Variants in IGSF11 observed in about 807,000 individuals in gnomAD.
IGSF11 encodes the protein immunoglobulin superfamily member 11.
Under a neutral mutation model 41.0 loss-of-function variants are expected in IGSF11, and 22 were observed. The observed-to-expected ratio is 0.54, with a 90% CI of 0.38 to 0.77. The LOEUF is 0.77. Ranked by LOEUF, IGSF11 falls within the 30% of genes least tolerant of loss-of-function variation. The pLI, the probability that IGSF11 is intolerant of heterozygous loss-of-function variation, is 0.00. For missense variants in IGSF11, 444 were observed against 530.8 expected, an observed-to-expected ratio of 0.84 and a Z score of 1.61; for synonymous variants, 219 against 201.3, an observed-to-expected ratio of 1.09 and a Z score of -0.74.
intron 1 of IGSF11, among the ~76,000 whole-genome samples, chr3:118,935,560 A>C (rs1943208880): frequency 6.6e-6 from 1 of 151,844 alleles, no homozygotes; most frequent in South Asian, 2.1e-4. Context: ...GACTACACAA[A>C]GGGAATAAAT....
intron 1 of IGSF11, among the ~76,000 whole-genome samples, chr3:118,945,388 T>A (rs2107568293): frequency 6.6e-6 from 1 of 152,338 alleles, no homozygotes; most frequent in African/African-American, 2.4e-5. Context: ...AAGCTTATTT[T>A]GGCATGAGTT....
chr3:118,981,533 A>G (rs905284936), intron 1 of IGSF11, among the ~76,000 whole-genome samples: 13 of 152,150 alleles, frequency 8.5e-5, no homozygotes, highest in Non-Finnish European at 1.9e-4. Context: ...TCCCTGACAC[A>G]GTTTCCAGTT....
intron 5 of IGSF11, 58 bp downstream of exon 5, chr3:118,905,538 T>C (rs1305953885): frequency 1.3e-6 from 2 of 1,583,704 alleles, no homozygotes; most frequent in Admixed American, 1.7e-5. Flanking sequence ...TTTTCTGGTA[T>C]AACAAAGATC....
chr3:119,124,232 A>G (rs1467718595), intron 1 of IGSF11, among the ~76,000 whole-genome samples: 1 of 151,648 alleles, frequency 6.6e-6, no homozygotes, highest in Non-Finnish European at 1.5e-5. Flanking sequence ...GGAGCTGAAA[A>G]ATGAAACTGA....
intron 1 of IGSF11, among the ~76,000 whole-genome samples, chr3:119,053,637 A>G (rs1941712863): frequency 6.6e-6 from 1 of 152,192 alleles, no homozygotes; most frequent in East Asian, 1.9e-4. Context: ...AAATACCAAC[A>G]TCATTCTTCA....
chr3:119,076,106 A>G (rs2076493855), intron 1 of IGSF11, among the ~76,000 whole-genome samples: 1 of 152,132 alleles, frequency 6.6e-6, no homozygotes, highest in Non-Finnish European at 1.5e-5. Context: ...AAATAATACC[A>G]CACATCTACA....
At chr3:119,106,978 A>C (rs1009203011), upstream of IGSF11, among the ~76,000 whole-genome samples, 3 of 152,214 alleles carry the variant, frequency 2.0e-5, no homozygotes, top group African/African-American at 4.8e-5. Flanking sequence ...TTCTTAAACC[A>C]GTCTATCATT....
intron 1 of IGSF11, among the ~76,000 whole-genome samples, chr3:119,086,355 C>T (rs2076672813): frequency 1.3e-5 from 2 of 152,094 alleles, no homozygotes; most frequent in Admixed American, 6.5e-5. Context: ...TCTTGCTAGG[C>T]AGGTTGACAT....
At position 118,902,592 on chromosome 3, in the gene IGSF11, G is replaced by A. The variant is rs375343880; in HGVS notation, c.1224C>T (p.His408=). 53 of 1,613,886 alleles carry A rather than the reference G, an allele frequency of 3.3e-5. No homozygotes were observed. Among genetic ancestry groups the A allele is most frequent in the African/African-American group, 2.8e-4 (21 of 74,868 alleles). ...CTGCACCAATTCGTTCCAGTGTTGC[G>A]TGGCTGATGGTGTAGGAATGAGTGT... is the stretch of plus-strand genomic sequence containing the variant. The part of the protein sequence containing the change: ...PPHTHSYTIS[H]ATLERIGAVP... The change falls in exon 7 of 7, where the codon CAC becomes CAT. Residue 408 remains histidine (H), a synonymous_variant. Transcript: ENST00000393775.
intron 1 of IGSF11, among the ~76,000 whole-genome samples, chr3:119,140,823 C>T (rs568067221): frequency 2.3e-4 from 35 of 151,020 alleles, no homozygotes; most frequent in African/African-American, 8.1e-4. Flanking sequence ...GAGGGTGGAT[C>T]ACCTGAGGTC....
chr3:118,950,668 T>C (rs1044767524), intron 1 of IGSF11, among the ~76,000 whole-genome samples: 9 of 151,998 alleles, frequency 5.9e-5, no homozygotes, highest in Admixed American at 2.6e-4. Context: ...AATGTATAAA[T>C]GATTCCATTT....
At chr3:118,948,792 C>T (rs1329583755) in intron 1 of IGSF11, among the ~76,000 whole-genome samples, 4 of 151,628 alleles carry the variant, frequency 2.6e-5, no homozygotes, top group South Asian at 2.1e-4. Context: ...GGTGAGACCC[C>T]GTTTCTACTA....
intron 1 of IGSF11, among the ~76,000 whole-genome samples, chr3:119,128,188 A>ATCTATTAAAATC (rs1244834150): frequency 2.4e-3 from 366 of 152,180 alleles, no homozygotes; most frequent in African/African-American, 8.5e-3. Context: ...GTGAAAATCT[A>ATCTATTAAAATC]TATCTATTAA....
chr3:119,047,201 C>A (rs543257471), intron 1 of IGSF11, among the ~76,000 whole-genome samples: 3,862 of 151,084 alleles, frequency 0.026, 141 homozygotes, highest in African/African-American at 0.089. Flanking sequence ...CACACACTGG[C>A]AAATTGGATA....
At position 118,923,097 on chromosome 3, in the gene IGSF11, T is replaced by C. The variant is rs1040506780; in HGVS notation, c.580+3004A>G. On this transcript the variant is annotated intron_variant, in intron 4 of 6. Coordinates refer to ENST00000393775, the MANE Select transcript of IGSF11 (RefSeq NM_001015887.3). ...CTCTCAGCTGACGTGCAAGTGGACA[T>C]GTGCATAAGAGACTCTATCTGTTCC... Among the ~76,000 whole-genome samples the C allele has an allele frequency of 3.3e-5, 5 of 152,250 alleles. 1 individual carries two copies. The highest frequency in any genetic ancestry group is 1.9e-4 in the East Asian group (1 of 5,180).
chr3:119,138,062 A>C (rs770151724), intron 1 of IGSF11, among the ~76,000 whole-genome samples: 1 of 151,970 alleles, frequency 6.6e-6, no homozygotes, highest in Non-Finnish European at 1.5e-5. Context: ...GCAACATTGA[A>C]TGCTGGTGAG....
At chr3:118,996,160 G>C (rs1012791342) in intron 1 of IGSF11, among the ~76,000 whole-genome samples, 1 of 152,214 alleles carries the variant, frequency 6.6e-6, no homozygotes, top group Non-Finnish European at 1.5e-5. Flanking sequence ...CTTATCTAAA[G>C]ATACTTCAAA....
chr3:119,139,166 A>G (rs2077604982), intron 1 of IGSF11, among the ~76,000 whole-genome samples: 1 of 152,176 alleles, frequency 6.6e-6, no homozygotes, highest in Admixed American at 6.5e-5. Context: ...CAAAAAATAT[A>G]TATAAATAAA....
chr3:119,042,172 G>A (rs1941141399), intron 1 of IGSF11, among the ~76,000 whole-genome samples: 1 of 152,222 alleles, frequency 6.6e-6, no homozygotes, highest in East Asian at 1.9e-4. Flanking sequence ...ATTTTATTAA[G>A]TGCCCACTGA....
Sources: gnomAD v4.1 joint callset for allele counts (sites outside exome capture counted in the v4.1 genomes callset) on GRCh38, gnomAD v4.1.1 for gene constraint, MANE v1.5 for transcripts, NCBI Gene and HGNC (gene_info 2026-07-23, HGNC 2026-07-21) for gene names.